GRID1: variants seen among roughly 807,000 people sequenced by gnomAD.
The protein encoded by GRID1 is glutamate receptor ionotropic, delta-1.
Under a neutral mutation model 98.0 loss-of-function variants are expected in GRID1, and 28 were observed. The ratio of observed to expected loss-of-function variants is 0.29; its 90% CI spans 0.21 to 0.39. The LOEUF (loss-of-function observed/expected upper bound fraction) is 0.39. Ranked by LOEUF, GRID1 falls within the 10% of genes least tolerant of loss-of-function variation. The pLI is 1.00. For missense variants in GRID1, 1,111 were observed against 1,340.5 expected (o/e 0.83, Z 2.67); for synonymous variants, 553 against 538.5 (o/e 1.03, Z -0.37).
chr10:85,682,851 T>C (rs1841226025), intron 12 of GRID1, among the ~76,000 whole-genome samples: 1 of 152,212 alleles, frequency 6.6e-6, no homozygotes, highest in African/African-American at 2.4e-5. Context: ...CAAGCCTGCC[T>C]GTTGTGAGAA....
chr10:86,225,157 A>C (rs1381496089), intron 2 of GRID1, among the ~76,000 whole-genome samples: 2 of 152,170 alleles, frequency 1.3e-5, no homozygotes, highest in Non-Finnish European at 2.9e-5. Context: ...GGCGGGGAGG[A>C]AGGTAGGGGC....
At position 85,916,720 on chromosome 10, in the gene GRID1, C is replaced by T. The variant is rs1032335345; in HGVS notation, c.727-481G>A. Among the ~76,000 whole-genome samples, 1 of 152,172 alleles carries T rather than the reference C, an allele frequency of 6.6e-6. No individual in the cohort carries two copies. The highest frequency in any genetic ancestry group is 2.4e-5 in the African/African-American group (1 of 41,448). ...ACAGCAGCTCTGGGGCTCCGAGTTTCCTTCAGTTCTTTAGGATCCATAGAA... is the reference window on the plus strand; with the variant it reads ...ACAGCAGCTCTGGGGCTCCGAGTTTTCTTCAGTTCTTTAGGATCCATAGAA... On this transcript the variant is annotated intron_variant, in intron 4 of 15. Transcript: ENST00000327946. This position sits in a 1 kb window ranked among gnomAD's most constrained non-coding sequence, Gnocchi z 4.0.
chr10:86,087,420 T>G (rs941961030), intron 4 of GRID1, among the ~76,000 whole-genome samples: 1 of 151,518 alleles, frequency 6.6e-6, no homozygotes, highest in Non-Finnish European at 1.5e-5. Flanking sequence ...GGTGTCTGTG[T>G]ATGTGTGTGT....
intron 2 of GRID1, among the ~76,000 whole-genome samples, chr10:86,280,709 A>G (rs934811466): frequency 1.3e-5 from 2 of 151,964 alleles, no homozygotes; most frequent in African/African-American, 2.4e-5. Context: ...TACTTTTCCA[A>G]TGTTCTTTCC....
At chr10:85,897,546 G>T (rs2222545) in intron 5 of GRID1, among the ~76,000 whole-genome samples, 21,307 of 152,108 alleles carry the variant, frequency 0.14, 1,501 homozygotes, top group Middle Eastern at 0.21. Flanking sequence ...TCATGCCTGA[G>T]GCCCAAAGTG....
Position 86,230,769 on chromosome 10 carries a change from TCTC to T in GRID1, c.236-24124_236-24122del, listed in dbSNP as rs1020710925. On this transcript the variant is annotated intron_variant, in intron 2 of 15. Coordinates refer to ENST00000327946, the MANE Select transcript of GRID1 (RefSeq NM_017551.3). ...AGACTCCCCTGATTTCTCCCAGATC[TCTC>T]CTCTGTGTTGCCAGAGCTGTCTCCC... 1.1e-3 allele frequency among the ~76,000 whole-genome samples: 173 copies of T among 152,290 alleles called. 1 individual carries two copies. Among genetic ancestry groups the T allele is most frequent in the African/African-American group, 3.9e-3 (164 of 41,554 alleles).
intron 2 of GRID1, among the ~76,000 whole-genome samples, chr10:86,331,163 G>C (rs1033376093): frequency 2.6e-5 from 4 of 152,224 alleles, no homozygotes; most frequent in African/African-American, 9.7e-5. Context: ...CCTGGCCCAC[G>C]GGATGTGTTG....
chr10:86,206,483 G>T lies in GRID1; in HGVS notation c.401C>A (p.Pro134His), dbSNP rs1363764457. The T allele has an allele frequency of 6.2e-7, 1 of 1,614,118 alleles. No individual in the cohort carries two copies. The highest frequency in any genetic ancestry group is 8.5e-7 in the Non-Finnish European group (1 of 1,180,056). The stretch of plus-strand genomic sequence containing the variant: ...AGCCAGTGTGTAGGCCTCACCATCG[G>T]GGCTGGGGTTCAGGTGGCATGCGGT... ...PRTACHLNPS[P>H]DGEAYTLASR... The change falls in exon 3 of 16, where the codon CCC becomes CAC. Residue 134 changes from proline (P) to histidine (H), a missense_variant. By Grantham distance (77) the Pro-to-His change is moderately conservative. Transcript: ENST00000327946. This position sits in a 1 kb window ranked among gnomAD's most constrained non-coding sequence, Gnocchi z 4.1.
chr10:85,604,211 G>A (rs551877021), intron 15 of GRID1, among the ~76,000 whole-genome samples: 25 of 152,182 alleles, frequency 1.6e-4, no homozygotes, highest in South Asian at 4.1e-4. Context: ...TGCTCTCTCC[G>A]CACCTTTATG....
At chr10:86,016,008 C>T (rs1310374687) in intron 4 of GRID1, among the ~76,000 whole-genome samples, 2 of 152,024 alleles carry the variant, frequency 1.3e-5, no homozygotes, top group South Asian at 4.2e-4. Context: ...GCCACATAGA[C>T]AGGGAAGTTA....
intron 4 of GRID1, among the ~76,000 whole-genome samples, chr10:86,118,329 G>A (rs376486709): frequency 2.0e-5 from 3 of 151,998 alleles, no homozygotes; most frequent in Non-Finnish European, 1.5e-5. Flanking sequence ...TTGGAGACTC[G>A]GGGGAAAGGG....
chr10:85,956,231 C>T (rs1285010931), intron 4 of GRID1, among the ~76,000 whole-genome samples: 1 of 152,178 alleles, frequency 6.6e-6, no homozygotes, highest in African/African-American at 2.4e-5. Flanking sequence ...AAACGGTTTG[C>T]ACCTGCTGTG....
chr10:85,876,720 C>G (rs749649506), intron 5 of GRID1, among the ~76,000 whole-genome samples: 1 of 152,158 alleles, frequency 6.6e-6, no homozygotes, highest in Admixed American at 6.5e-5. Flanking sequence ...TCTGGGGTAC[C>G]GGGTTCATCT....
intron 13 of GRID1, among the ~76,000 whole-genome samples, chr10:85,637,036 A>C (rs1278646379): frequency 6.6e-6 from 1 of 152,252 alleles, no homozygotes; most frequent in Non-Finnish European, 1.5e-5. Context: ...ACATCAATTT[A>C]CATCTATTTG....
intron 2 of GRID1, among the ~76,000 whole-genome samples, chr10:86,237,686 C>A (rs868562367): frequency 6.8e-6 from 1 of 147,528 alleles, no homozygotes; most frequent in Non-Finnish European, 1.5e-5. Flanking sequence ...GGCAACAGAG[C>A]GAGACTCTGT....
At position 86,229,039 on chromosome 10, in the gene GRID1, A is replaced by G. The variant is rs1846405067; in HGVS notation, c.236-22391T>C. On this transcript the variant is annotated intron_variant, in intron 2 of 15. Coordinates refer to ENST00000327946, the MANE Select transcript of GRID1 (RefSeq NM_017551.3). ...GTAGGGAGGGGCTGCCTTGGTCCAGAGTGGGGCTCCGTGCCCTCCGAATAG... is the reference window on the plus strand; with the variant it reads ...GTAGGGAGGGGCTGCCTTGGTCCAGGGTGGGGCTCCGTGCCCTCCGAATAG... 3.9e-5 allele frequency among the ~76,000 whole-genome samples: 6 copies of G among 152,112 alleles called. No individual in the cohort carries two copies. The South Asian group carries it at 1.0e-3, about 26-fold the overall frequency.
intron 2 of GRID1, among the ~76,000 whole-genome samples, chr10:86,213,603 C>T (rs1030435315): frequency 6.6e-6 from 1 of 152,102 alleles, no homozygotes; most frequent in Non-Finnish European, 1.5e-5. Flanking sequence ...CACCCAGATC[C>T]ATCATGTATA....
In GRID1 at chr10:85,655,428, A is replaced by G. The variant is rs140210792; in HGVS notation, c.1998-8031T>C. Among the ~76,000 whole-genome samples the G allele has an allele frequency of 4.9e-4, 75 of 152,256 alleles. 1 individual carries two copies. The highest frequency in any genetic ancestry group is 1.9e-3 in the Admixed American group (29 of 15,304). On this transcript the variant is annotated intron_variant, in intron 12 of 15. Transcript: ENST00000327946. ...ACTCTGTGTCCATCTCTGAATTTCT[A>G]TCACCCCACATACAGTCTGACAGAC... is the stretch of plus-strand genomic sequence containing the variant.
chr10:86,006,132 T>C (rs1302769950), intron 4 of GRID1, among the ~76,000 whole-genome samples: 6 of 152,212 alleles, frequency 3.9e-5, no homozygotes, highest in Admixed American at 3.3e-4. Flanking sequence ...CAGAATAGAA[T>C]ACAAAGTCCT....
Sources: allele counts gnomAD v4.1 joint callset (sites outside exome capture counted in the v4.1 genomes callset), GRCh38; gene constraint gnomAD v4.1.1; non-coding constraint Gnocchi (gnomAD v3.1); transcripts MANE v1.5; gene names NCBI Gene and HGNC (gene_info 2026-07-23, HGNC 2026-07-21).